Variants in LARGE1 observed in about 807,000 individuals in gnomAD.
LARGE1 encodes the protein LARGE xylosyl- and glucuronyltransferase 1.
Under a neutral mutation model 87.6 loss-of-function variants are expected in LARGE1, and 43 were observed. The observed-to-expected ratio is 0.49, with a 90% CI of 0.38 to 0.63. The LOEUF is 0.63. Among genes scored for constraint, LARGE1 ranks in the 30% least tolerant of loss-of-function variants. The pLI is 0.00. For synonymous variants in LARGE1, 434 were observed against 394.6 expected (o/e 1.10, Z -1.18); for missense variants, 802 against 1,000.2 (o/e 0.80, Z 2.67).
intron 7 of LARGE1, among the ~76,000 whole-genome samples, chr22:33,394,677 C>T (rs2065659452): frequency 6.6e-6 from 1 of 151,242 alleles, no homozygotes; most frequent in African/African-American, 2.4e-5. Context: ...CTCAACCATA[C>T]CATGTGGTCT....
chr22:33,108,244 G>A, the LARGE1 span, among the ~76,000 whole-genome samples: 2 of 152,122 alleles, frequency 1.3e-5, no homozygotes, highest in Non-Finnish European at 2.9e-5. Flanking sequence ...AACATTCACT[G>A]AGTTTATATT....
chr22:33,788,805 C>G (rs186735236), intron 1 of LARGE1, among the ~76,000 whole-genome samples: 3 of 152,078 alleles, frequency 2.0e-5, no homozygotes, highest in East Asian at 3.9e-4. Context: ...AACAGCAAAG[C>G]GTTCAAGAGG....
chr22:33,859,633 G>C (rs1340694267), intron 1 of LARGE1, among the ~76,000 whole-genome samples: 1 of 152,120 alleles, frequency 6.6e-6, no homozygotes, highest in Non-Finnish European at 1.5e-5. Context: ...CAGAGACCGG[G>C]GCTTAAATCC....
chr22:33,620,601 C>CA (rs1439325152), intron 4 of LARGE1, among the ~76,000 whole-genome samples: 2 of 152,060 alleles, frequency 1.3e-5, no homozygotes, highest in Admixed American at 6.6e-5. Flanking sequence ...CTGACACAAC[C>CA]AAAAATATAT....
chr22:33,716,843 G>A (rs2082923516), intron 2 of LARGE1, among the ~76,000 whole-genome samples: 1 of 152,188 alleles, frequency 6.6e-6, no homozygotes. Context: ...TGAAGACCCT[G>A]CAGCCATCCT....
chr22:33,409,209 C>T (rs546215405), intron 7 of LARGE1, among the ~76,000 whole-genome samples: 8 of 152,174 alleles, frequency 5.3e-5, no homozygotes, highest in Admixed American at 1.3e-4. Context: ...AAAGGAGATG[C>T]GGCAGGCAAG....
intron 9 of LARGE1, among the ~76,000 whole-genome samples, chr22:33,359,492 G>A (rs1569091814): frequency 6.6e-6 from 1 of 151,346 alleles, no homozygotes; most frequent in Non-Finnish European, 1.5e-5. Context: ...GCTCACTTCT[G>A]TAGGATAAAC....
At chr22:33,777,642 A>G (rs5999096) in intron 1 of LARGE1, among the ~76,000 whole-genome samples, 231 of 54,798 alleles carry the variant, frequency 4.2e-3, no homozygotes, top group African/African-American at 0.011. Flanking sequence ...GAGGGAGGGG[A>G]AGGGGGAGGG....
intron 2 of LARGE1, among the ~76,000 whole-genome samples, chr22:33,705,434 T>C (rs1230608188): frequency 1.3e-5 from 2 of 152,236 alleles, no homozygotes; most frequent in Non-Finnish European, 2.9e-5. Context: ...AAGAGCGATG[T>C]TGATCCCACC....
chr22:33,533,448 C>A (rs868647587), intron 6 of LARGE1, among the ~76,000 whole-genome samples: 2 of 152,054 alleles, frequency 1.3e-5, no homozygotes, highest in South Asian at 4.1e-4. Context: ...GGAAACTTTG[C>A]GGCAGGCTGC....
the LARGE1 span, among the ~76,000 whole-genome samples, chr22:33,126,683 T>C: frequency 6.6e-6 from 1 of 152,234 alleles, no homozygotes; most frequent in Non-Finnish European, 1.5e-5. Flanking sequence ...ATTTAATTTA[T>C]TCTGTTGCAT....
intron 11 of LARGE1, among the ~76,000 whole-genome samples, chr22:33,216,159 G>C (rs1399657019): frequency 6.6e-6 from 1 of 152,128 alleles, no homozygotes; most frequent in Non-Finnish European, 1.5e-5. Context: ...GTCCATATGT[G>C]CCTGGGTCTA....
At chr22:33,466,104 C>G (rs140388501) in intron 6 of LARGE1, among the ~76,000 whole-genome samples, 1 of 152,158 alleles carries the variant, frequency 6.6e-6, no homozygotes, top group African/African-American at 2.4e-5. Context: ...ACTCCCTATA[C>G]CCCGGCCATG....
At chr22:33,258,212 A>G (rs1240980580) in intron 11 of LARGE1, among the ~76,000 whole-genome samples, 1 of 152,072 alleles carries the variant, frequency 6.6e-6, no homozygotes. Context: ...TGTATTTTTT[A>G]GTAGAGATGG....
intron 1 of LARGE1, among the ~76,000 whole-genome samples, chr22:33,787,299 A>C (rs1793887844): frequency 6.6e-6 from 1 of 152,126 alleles, no homozygotes; most frequent in Non-Finnish European, 1.5e-5. Flanking sequence ...CCTTATTCTC[A>C]GTGGTGATGT....
chr22:33,092,788 G>A, the LARGE1 span, among the ~76,000 whole-genome samples: 1 of 152,112 alleles, frequency 6.6e-6, no homozygotes, highest in Admixed American at 6.6e-5. Context: ...CCATGTCCCT[G>A]CAAAGGACAT....
chr22:33,087,404 G>A, the LARGE1 span, among the ~76,000 whole-genome samples: 1 of 152,154 alleles, frequency 6.6e-6, no homozygotes, highest in East Asian at 1.9e-4. Context: ...GCATTGCTGT[G>A]TAGGAAAAAA....
intron 9 of LARGE1, among the ~76,000 whole-genome samples, chr22:33,365,618 T>G (rs540771866): frequency 7.1e-6 from 1 of 141,626 alleles, no homozygotes; most frequent in African/African-American, 2.8e-5. Context: ...TTTTCTCTCT[T>G]TTTTTTTTTT....
upstream of LARGE1, among the ~76,000 whole-genome samples, chr22:33,921,956 C>A (rs1393277076): frequency 6.6e-6 from 1 of 152,032 alleles, no homozygotes; most frequent in Non-Finnish European, 1.5e-5. This position sits in a 1 kb window ranked among gnomAD's most constrained non-coding sequence, Gnocchi z 4.1. Context: ...AAGAGGACGC[C>A]GAGAGCTGCA....
Sources: allele counts gnomAD v4.1 joint callset (sites outside exome capture counted in the v4.1 genomes callset), GRCh38; gene constraint gnomAD v4.1.1; non-coding constraint Gnocchi (gnomAD v3.1); transcripts MANE v1.5; gene names NCBI Gene and HGNC (gene_info 2026-07-23, HGNC 2026-07-21).